The following SUPT3H variants were observed in gnomAD, a reference collection of about 807,000 sequenced individuals.
SUPT3H encodes SPT3 homolog, SAGA and STAGA complex component.
SUPT3H carries 44 observed loss-of-function variants against 44.3 expected under a neutral mutation model. The observed-to-expected ratio is 0.99, with a 90% CI of 0.78 to 1.28. The LOEUF (loss-of-function observed/expected upper bound fraction) is 1.28, where lower values mean the gene tolerates loss of function less well. Among genes scored for constraint, SUPT3H ranks in the 50% most tolerant of loss-of-function variants. SUPT3H has a pLI of 0.00. For synonymous variants in SUPT3H, 124 were observed against 125.6 expected (o/e 0.99, Z 0.09); for missense variants, 380 against 387.1 (o/e 0.98, Z 0.15).
chr6:44,825,422 A>ATCTC (rs748076562), downstream of SUPT3H, among the ~76,000 whole-genome samples: 3 of 152,180 alleles, frequency 2.0e-5, no homozygotes, highest in African/African-American at 4.8e-5. Context: ...GGTCTCAGAA[A>ATCTC]TCTCTACTCC....
chr6:44,869,906 T>C (rs1054269548), intron 10 of SUPT3H, among the ~76,000 whole-genome samples: 4 of 152,250 alleles, frequency 2.6e-5, no homozygotes, highest in African/African-American at 9.6e-5. Context: ...CTAGGGAGAA[T>C]AGTGGAGATG....
At chr6:45,230,686 A>ATATATATATATATATATATATATATATT (rs796866510) in intron 2 of SUPT3H, among the ~76,000 whole-genome samples, 3 of 116,792 alleles carry the variant, frequency 2.6e-5, no homozygotes, top group African/African-American at 6.3e-5. Context: ...ATATATATAT[A>ATATATATATATATATATATATATATATT]TTTTTGAGAT....
chr6:44,946,395 G>A (rs113249153), intron 9 of SUPT3H, among the ~76,000 whole-genome samples: 66 of 152,244 alleles, frequency 4.3e-4, no homozygotes, highest in African/African-American at 1.4e-3. Context: ...TGGATCCAAG[G>A]AAAGTAAATG....
At chr6:44,999,048 A>G (rs1314134600) in intron 6 of SUPT3H, among the ~76,000 whole-genome samples, 1 of 151,870 alleles carries the variant, frequency 6.6e-6, no homozygotes, top group South Asian at 2.1e-4. Flanking sequence ...TTAATTTTCA[A>G]TCAGTCAAGG....
At chr6:45,313,453 G>A (rs775589554) in intron 2 of SUPT3H, among the ~76,000 whole-genome samples, 1 of 151,942 alleles carries the variant, frequency 6.6e-6, no homozygotes, top group Non-Finnish European at 1.5e-5. Flanking sequence ...AAATGAAACA[G>A]GAGATACTAC....
In SUPT3H at chr6:44,885,483, G is replaced by A. The variant is rs564878058; in HGVS notation, c.912+47170C>T. Among the ~76,000 whole-genome samples the A allele has an allele frequency of 5.8e-4, 89 of 152,292 alleles. 1 individual carries two copies. The Middle Eastern group carries it at 0.01, about 17-fold the overall frequency. Reference sequence around the variant, plus strand: ...AAAAATCCGCTGTTCTGCAGCCACCGCTGCTGTTACCCAGGCAAACAGTGA... The same window carrying A: ...AAAAATCCGCTGTTCTGCAGCCACCACTGCTGTTACCCAGGCAAACAGTGA... On this transcript the variant is annotated intron_variant, in intron 10 of 10. Coordinates refer to ENST00000371459, the MANE Select transcript of SUPT3H (RefSeq NM_003599.4).
intron 7 of SUPT3H, among the ~76,000 whole-genome samples, chr6:44,955,936 T>C (rs956047218): frequency 6.6e-6 from 1 of 150,828 alleles, no homozygotes; most frequent in African/African-American, 2.4e-5. Flanking sequence ...CTGGCTAATA[T>C]GGTGAAACCC....
At chr6:44,976,429 T>C (rs192484036) in intron 6 of SUPT3H, among the ~76,000 whole-genome samples, 21 of 152,206 alleles carry the variant, frequency 1.4e-4, no homozygotes, top group Admixed American at 3.3e-4. Flanking sequence ...TGGCGCAATC[T>C]TGGCTCACTG....
intron 2 of SUPT3H, among the ~76,000 whole-genome samples, chr6:45,312,261 C>A (rs1161290450): frequency 1.3e-5 from 2 of 152,136 alleles, no homozygotes; most frequent in African/African-American, 2.4e-5. Context: ...GTAATCCCAG[C>A]ACTTTGGGAG....
chr6:45,275,473 G>A (rs2153663765), intron 2 of SUPT3H, among the ~76,000 whole-genome samples: 1 of 152,202 alleles, frequency 6.6e-6, no homozygotes, highest in East Asian at 1.9e-4. Context: ...ATTATTGTCA[G>A]TATTCATCTA....
Position 45,154,091 on chromosome 6 carries a change from G to A in SUPT3H, c.102-48085C>T, listed in dbSNP as rs555499656. Among the ~76,000 whole-genome samples, 81 of 37,194 alleles carry A rather than the reference G, an allele frequency of 2.2e-3. 3 individuals are homozygous for A. The highest frequency in any genetic ancestry group is 5.2e-3 in the African/African-American group (69 of 13,340). The allele number at this position is 37,194 out of a possible 152,430, so 24.4% of individuals were successfully genotyped here. On this transcript the variant is annotated intron_variant, in intron 2 of 10. Transcript: ENST00000371459. ...TCTCAAGAAAAAAAAAAAAAAAAGC[G>A]CTTAGTCCTCCTATGTTAGAACTAA...
intron 2 of SUPT3H, among the ~76,000 whole-genome samples, chr6:45,288,239 G>A (rs973156051): frequency 4.0e-5 from 6 of 151,742 alleles, no homozygotes; most frequent in African/African-American, 1.5e-4. Context: ...ATACTTAACT[G>A]ACAACTAAAA....
At chr6:45,070,616 C>T (rs2153551991) in intron 3 of SUPT3H, among the ~76,000 whole-genome samples, 1 of 151,860 alleles carries the variant, frequency 6.6e-6, no homozygotes, top group South Asian at 2.1e-4. Flanking sequence ...CAGCACGCGC[C>T]TGTAATCCCA....
intron 2 of SUPT3H, among the ~76,000 whole-genome samples, chr6:45,174,305 T>C (rs1332476979): frequency 6.6e-6 from 1 of 152,180 alleles, no homozygotes; most frequent in Non-Finnish European, 1.5e-5. Flanking sequence ...TAAAGACACA[T>C]TCTAGTGATA....
chr6:45,120,600 A>T (rs765977131), intron 2 of SUPT3H, among the ~76,000 whole-genome samples: 18 of 152,056 alleles, frequency 1.2e-4, no homozygotes, highest in Admixed American at 8.5e-4. Flanking sequence ...GATTAAGAGG[A>T]AAACTAAAGA....
chr6:45,248,953 A>G (rs2153651501), intron 2 of SUPT3H, among the ~76,000 whole-genome samples: 1 of 152,110 alleles, frequency 6.6e-6, no homozygotes, highest in Admixed American at 6.5e-5. Flanking sequence ...TACTGATGGC[A>G]ATGCGAAATA....
chr6:45,291,012 G>T (rs1021864228), intron 2 of SUPT3H, among the ~76,000 whole-genome samples: 1 of 152,112 alleles, frequency 6.6e-6, no homozygotes, highest in East Asian at 1.9e-4. Context: ...AAACCTGAAA[G>T]GACCCACAGA....
intron 2 of SUPT3H, among the ~76,000 whole-genome samples, chr6:45,341,722 T>C (rs564199965): frequency 6.6e-6 from 1 of 152,164 alleles, no homozygotes; most frequent in East Asian, 1.9e-4. Context: ...TCCTCAGCAG[T>C]AGCAATATTA....
intron 3 of SUPT3H, among the ~76,000 whole-genome samples, chr6:45,074,055 A>G (rs1402132786): frequency 1.3e-5 from 2 of 152,006 alleles, no homozygotes; most frequent in Non-Finnish European, 2.9e-5. Context: ...AGGAGGAAAG[A>G]GAATAAAAAT....
Sources: gnomAD v4.1 joint callset for allele counts (sites outside exome capture counted in the v4.1 genomes callset) on GRCh38, gnomAD v4.1.1 for gene constraint, MANE v1.5 for transcripts, NCBI Gene and HGNC (gene_info 2026-07-23, HGNC 2026-07-21) for gene names.